Variants in CR1L observed in about 807,000 individuals in gnomAD.
CR1L encodes the protein complement component receptor 1-like protein.
Under a neutral mutation model 62.3 loss-of-function variants are expected in CR1L, and 59 were observed. The ratio of observed to expected loss-of-function variants is 0.95; its 90% CI spans 0.77 to 1.18. The LOEUF (loss-of-function observed/expected upper bound fraction) is 1.18, where lower values mean the gene tolerates loss of function less well. CR1L is among the 50% of genes most tolerant of loss of function. The pLI is 0.00. For synonymous variants in CR1L, 279 were observed against 248.7 expected (o/e 1.12, Z -1.15); for missense variants, 700 against 702.8 (o/e 1.00, Z 0.04).
At chr1:207,722,504 G>C (rs1181634882) in intron 11 of CR1L, among the ~76,000 whole-genome samples, 5 of 149,598 alleles carry the variant, frequency 3.3e-5, no homozygotes, top group African/African-American at 1.2e-4. Flanking sequence ...GATAGTTGTA[G>C]ATATGCGGCG....
chr1:207,719,413 G>T (rs1460164812), intron 11 of CR1L, among the ~76,000 whole-genome samples: 1 of 151,958 alleles, frequency 6.6e-6, no homozygotes, highest in East Asian at 1.9e-4. Context: ...AATATATAAT[G>T]AATACTTAGT....
chr1:207,677,785 A>G (rs1187380096), intron 2 of CR1L, among the ~76,000 whole-genome samples: 1 of 152,232 alleles, frequency 6.6e-6, no homozygotes, highest in Non-Finnish European at 1.5e-5. Flanking sequence ...ATTGCAGGAC[A>G]TGATTGAGGG....
At position 207,701,503 on chromosome 1, in the gene CR1L, AT is replaced by A. The variant is rs775780098; in HGVS notation, c.1229-12del. 1.2e-6 allele frequency: 2 copies of A among 1,613,358 alleles called. No individual in the cohort carries two copies. The highest frequency in any genetic ancestry group is 4.5e-5 in the East Asian group (2 of 44,868). On this transcript the variant is annotated splice_polypyrimidine_tract_variant and intron_variant, in intron 8 of 11. Transcript: ENST00000508064. Reference sequence around the variant, plus strand: ...AGATTACTCTACCTGGCTCCAAAACATTTTCTTTCCCACAGGTAAATCATGT... The same window carrying A: ...AGATTACTCTACCTGGCTCCAAAACATTTCTTTCCCACAGGTAAATCATGT...
chr1:207,711,898 CA>C (rs112058934), intron 10 of CR1L, among the ~76,000 whole-genome samples: 2,934 of 115,850 alleles, frequency 0.025, 50 homozygotes, highest in African/African-American at 0.055. Context: ...GATATCACCT[CA>C]AAAAAAAAAA....
At chr1:207,705,706 A>T (rs1326612621) in intron 9 of CR1L, among the ~76,000 whole-genome samples, 1 of 152,126 alleles carries the variant, frequency 6.6e-6, no homozygotes, top group Non-Finnish European at 1.5e-5. Flanking sequence ...CTCATCTTGC[A>T]TTGTGGAATA....
chr1:207,711,214 G>A (rs1206093606), intron 10 of CR1L: 1 of 216,522 alleles, frequency 4.6e-6, no homozygotes, highest in Non-Finnish European at 9.1e-6. Context: ...ACAATAGCTG[G>A]CTTAGCAGCG....
Position 207,710,715 on chromosome 1 carries a change from G to C in CR1L, c.1414+2452G>C, listed in dbSNP as rs528422138. 15 of 1,609,942 alleles carry C rather than the reference G, an allele frequency of 9.3e-6. 1 individual carries two copies. The South Asian group carries it at 1.5e-4, about 17-fold the overall frequency. ...TGTCAGCCTGGCTTTGTCATGAAAGGACCCCCCGCACCGTGTGCAATGCCA... is the reference window on the plus strand; with the variant it reads ...TGTCAGCCTGGCTTTGTCATGAAAGCACCCCCCGCACCGTGTGCAATGCCA... On this transcript the variant is annotated intron_variant, in intron 10 of 11. Coordinates refer to ENST00000508064, the MANE Select transcript of CR1L (RefSeq NM_175710.2).
chr1:207,709,000 A>G (rs1424966754), intron 10 of CR1L: 2 of 322,100 alleles, frequency 6.2e-6, no homozygotes, highest in South Asian at 2.6e-5. Flanking sequence ...AGTTATTTGT[A>G]TTACTTCTGA....
chr1:207,683,051 C>T (rs1316367227), intron 3 of CR1L, among the ~76,000 whole-genome samples: 1 of 119,424 alleles, frequency 8.4e-6, no homozygotes, highest in Non-Finnish European at 1.7e-5. Flanking sequence ...TCCCTCCTTC[C>T]TTCCTTCTTT....
At chr1:207,693,049 CTA>C (rs1176428285) in intron 4 of CR1L, among the ~76,000 whole-genome samples, 2 of 152,176 alleles carry the variant, frequency 1.3e-5, no homozygotes, top group African/African-American at 4.8e-5. Flanking sequence ...AGGTTATTGT[CTA>C]TGTTTCCTGC....
chr1:207,663,975 G>A (rs139452613), intron 1 of CR1L, among the ~76,000 whole-genome samples: 324 of 151,708 alleles, frequency 2.1e-3, no homozygotes, highest in Middle Eastern at 0.01. Context: ...ACCTCATAAT[G>A]TTATTCTTTT....
intron 1 of CR1L, among the ~76,000 whole-genome samples, chr1:207,676,583 T>G (rs916774589): frequency 2.0e-5 from 3 of 152,188 alleles, no homozygotes; most frequent in African/African-American, 7.2e-5. Context: ...AAAATTGTCT[T>G]CCACAAAACG....
intron 1 of CR1L, among the ~76,000 whole-genome samples, chr1:207,647,832 T>C (rs1452526516): frequency 6.6e-6 from 1 of 152,138 alleles, no homozygotes; most frequent in Non-Finnish European, 1.5e-5. Flanking sequence ...ATCTCACTGA[T>C]CATTAAAACG....
chr1:207,718,497 A>G (rs150580895), intron 11 of CR1L, among the ~76,000 whole-genome samples: 394 of 152,224 alleles, frequency 2.6e-3, no homozygotes, highest in African/African-American at 8.9e-3. Context: ...ACTCGGCTCA[A>G]TGCAACCCCC....
rs1215743626 is a variant in CR1L, at chr1:207,690,963, G to A, written c.464-3390G>A. On this transcript the variant is annotated intron_variant, in intron 4 of 11. Coordinates refer to ENST00000508064, the MANE Select transcript of CR1L (RefSeq NM_175710.2). ...TCAACTCAAGATCATTAATTTGATT[G>A]TATCTACAAAGACTCTCCAAACTGG... 2.6e-5 allele frequency among the ~76,000 whole-genome samples: 4 copies of A among 152,304 alleles called. No homozygotes were observed. The East Asian group carries it at 5.8e-4, about 22-fold the overall frequency.
At chr1:207,661,213 T>C (rs546811533) in intron 1 of CR1L, among the ~76,000 whole-genome samples, 2 of 152,312 alleles carry the variant, frequency 1.3e-5, no homozygotes, top group East Asian at 3.9e-4. Context: ...TAACTTTCTG[T>C]CTCATTGATC....
intron 11 of CR1L, among the ~76,000 whole-genome samples, chr1:207,721,260 T>C (rs1205863469): frequency 1.3e-5 from 2 of 151,994 alleles, no homozygotes; most frequent in African/African-American, 2.4e-5. Context: ...GTTACATATG[T>C]ATACATGTGC....
intron 1 of CR1L, chr1:207,652,488 A>G: frequency 1.0e-6 from 1 of 965,702 alleles, no homozygotes; most frequent in South Asian, 1.3e-5. Context: ...ACCACAGTCC[A>G]TGGCTGATGA....
intron 8 of CR1L, 84 bp downstream of exon 8, chr1:207,699,358 C>T (rs1664157369): frequency 1.4e-6 from 2 of 1,481,034 alleles, no homozygotes; most frequent in Non-Finnish European, 1.9e-6. Flanking sequence ...TAATGTGGTT[C>T]TTCAATTTTC....
Sources: gnomAD v4.1 joint callset for allele counts (sites outside exome capture counted in the v4.1 genomes callset) on GRCh38, gnomAD v4.1.1 for gene constraint, MANE v1.5 for transcripts, NCBI Gene and HGNC (gene_info 2026-07-23, HGNC 2026-07-21) for gene names.